SYT2: variants seen among roughly 807,000 people sequenced by gnomAD.
SYT2 encodes synaptotagmin 2.
Under a neutral mutation model 39.9 loss-of-function variants are expected in SYT2, and 15 were observed. The ratio of observed to expected loss-of-function variants is 0.38; its 90% CI spans 0.25 to 0.58. The LOEUF is 0.58. Among genes scored for constraint, SYT2 ranks in the 20% least tolerant of loss-of-function variants. The pLI is 0.70. For synonymous variants in SYT2, 181 were observed against 204.5 expected (o/e 0.89, Z 0.98); for missense variants, 389 against 530.3 (o/e 0.73, Z 2.62).
intron 1 of SYT2, among the ~76,000 whole-genome samples, chr1:202,695,474 G>T (rs181909584): frequency 6.6e-6 from 1 of 152,056 alleles, no homozygotes; most frequent in Non-Finnish European, 1.5e-5. Context: ...CCCGGCTCCC[G>T]CAGTGTCAGC....
intron 1 of SYT2, among the ~76,000 whole-genome samples, chr1:202,709,472 A>G (rs1476940058): frequency 1.3e-5 from 2 of 152,188 alleles, no homozygotes; most frequent in Non-Finnish European, 2.9e-5. Flanking sequence ...TGGGGGAAGG[A>G]GCATAGGCAG....
intron 1 of SYT2, among the ~76,000 whole-genome samples, chr1:202,694,783 C>T (rs1427606079): frequency 1.3e-5 from 2 of 151,646 alleles, no homozygotes; most frequent in African/African-American, 2.4e-5. Flanking sequence ...TACCCCTCTC[C>T]TCTCCCTCCT....
chr1:202,647,511 G>A (rs1277989807), intron 1 of SYT2, among the ~76,000 whole-genome samples: 1 of 151,978 alleles, frequency 6.6e-6, no homozygotes, highest in African/African-American at 2.4e-5. Flanking sequence ...TGCAACAGTA[G>A]CTGAGGCTAC....
intron 1 of SYT2, among the ~76,000 whole-genome samples, chr1:202,701,693 A>T (rs1654127105): frequency 6.6e-6 from 1 of 152,216 alleles, no homozygotes; most frequent in Admixed American, 6.5e-5. Context: ...ATCAATGTCA[A>T]GCATGGGAAT....
chr1:202,616,266 G>A (rs1691028489), intron 1 of SYT2, among the ~76,000 whole-genome samples: 1 of 152,200 alleles, frequency 6.6e-6, no homozygotes, highest in African/African-American at 2.4e-5. Context: ...CCCCTTGTGA[G>A]TTGAGGGCTT....
At chr1:202,685,313 C>T (rs959520455) in intron 1 of SYT2, among the ~76,000 whole-genome samples, 3 of 152,138 alleles carry the variant, frequency 2.0e-5, no homozygotes, top group Admixed American at 6.5e-5. Flanking sequence ...CCCACCACCA[C>T]CTGCTATTCC....
chr1:202,644,713 C>T (rs1286993343), intron 1 of SYT2, among the ~76,000 whole-genome samples: 1 of 151,718 alleles, frequency 6.6e-6, no homozygotes, highest in East Asian at 1.9e-4. Flanking sequence ...CACAAAAATC[C>T]AGTGTGCATG....
rs1197080547 is a variant in SYT2, at chr1:202,601,336, C to G, written c.801+554G>C. 6.6e-6 allele frequency among the ~76,000 whole-genome samples: 1 copy of G among 152,210 alleles called. No homozygotes were observed. Among genetic ancestry groups the G allele is most frequent in the African/African-American group, 2.4e-5 (1 of 41,470 alleles). On this transcript the variant is annotated intron_variant, in intron 6 of 8. Transcript: ENST00000367268. The surrounding 1 kb of genome is among the most constrained non-coding windows in gnomAD (Gnocchi z 4.0). Reference sequence around the variant, plus strand: ...AGCTTCTCTACTCAGCCCTCCATCACTGCCTAGAGTGTGCCAGGTAGCAGG... The same window carrying G: ...AGCTTCTCTACTCAGCCCTCCATCAGTGCCTAGAGTGTGCCAGGTAGCAGG...
chr1:202,690,781 G>A lies in SYT2; in HGVS notation c.-18+19477C>T, dbSNP rs1572681710. On this transcript the variant is annotated intron_variant, in intron 1 of 8. Coordinates refer to ENST00000367268, the MANE Select transcript of SYT2 (RefSeq NM_177402.5). ...CTCTATTAGAATTGTCTTCCTAAGA[G>A]TGAAGGAAAACAATTCTAATAGTCT... 2.0e-5 allele frequency among the ~76,000 whole-genome samples: 3 copies of A among 152,320 alleles called. No individual in the cohort carries two copies. In the East Asian group the frequency reaches 5.8e-4, roughly 29 times the overall value.
chr1:202,675,727 C>A (rs184961820), intron 1 of SYT2, among the ~76,000 whole-genome samples: 1 of 152,146 alleles, frequency 6.6e-6, no homozygotes, highest in Non-Finnish European at 1.5e-5. Flanking sequence ...TTCCACCTTA[C>A]CCCATTTCCT....
intron 1 of SYT2, among the ~76,000 whole-genome samples, chr1:202,629,879 G>GC (rs1364811014): frequency 1.0e-5 from 1 of 97,362 alleles, no homozygotes; most frequent in Non-Finnish European, 2.0e-5. Flanking sequence ...GGGGGGGGGG[G>GC]GTGGTACGGC....
intron 1 of SYT2, among the ~76,000 whole-genome samples, chr1:202,695,522 C>T (rs1365473224): frequency 6.6e-6 from 1 of 152,182 alleles, no homozygotes; most frequent in Non-Finnish European, 1.5e-5. Context: ...TATATTATGG[C>T]AGGACAAGAG....
At position 202,610,236 on chromosome 1, in the gene SYT2, A is replaced by G. The variant is rs1169409906; in HGVS notation, c.-17-4447T>C. Among the ~76,000 whole-genome samples the G allele has an allele frequency of 6.6e-5, 10 of 152,110 alleles. No homozygotes were observed. The East Asian group carries it at 1.9e-3, about 29-fold the overall frequency. ...ATTTCTGAGGGCTCTGTTCTGTTCCATTGGTCTATATCTCTGTTTTGGTAC... is the reference window on the plus strand; with the variant it reads ...ATTTCTGAGGGCTCTGTTCTGTTCCGTTGGTCTATATCTCTGTTTTGGTAC... On this transcript the variant is annotated intron_variant, in intron 1 of 8. Coordinates refer to ENST00000367268, the MANE Select transcript of SYT2 (RefSeq NM_177402.5).
rs1446599676 is a variant in SYT2, at chr1:202,599,400, C to G, written c.920-49G>C. 2.6e-6 allele frequency: 4 copies of G among 1,550,190 alleles called. No homozygotes were observed. Among genetic ancestry groups the G allele is most frequent in the Non-Finnish European group, 3.5e-6 (4 of 1,156,240 alleles). ...CAGAGAGGTTCCCCTTAGCCCCCAGCCTTCCTGCCGAATGTACCAAGGCCT... is the reference window on the plus strand; with the variant it reads ...CAGAGAGGTTCCCCTTAGCCCCCAGGCTTCCTGCCGAATGTACCAAGGCCT... On this transcript the variant is annotated intron_variant, in intron 7 of 8. Coordinates refer to ENST00000367268, the MANE Select transcript of SYT2 (RefSeq NM_177402.5). The surrounding 1 kb of genome is among the most constrained non-coding windows in gnomAD (Gnocchi z 4.4).
chr1:202,626,246 C>T (rs946842883), intron 1 of SYT2, among the ~76,000 whole-genome samples: 27 of 152,016 alleles, frequency 1.8e-4, no homozygotes, highest in African/African-American at 6.3e-4. Context: ...AGCCCCCACC[C>T]TCCCTCTGCA....
In SYT2 at chr1:202,628,647, A is replaced by G. The variant is rs1326291347; in HGVS notation, c.-17-22858T>C. Among the ~76,000 whole-genome samples the G allele has an allele frequency of 6.6e-6, 1 of 152,158 alleles. No individual in the cohort carries two copies. Among genetic ancestry groups the G allele is most frequent in the Non-Finnish European group, 1.5e-5 (1 of 68,032 alleles). The stretch of plus-strand genomic sequence containing the variant: ...GACCGGGGGCCGGGACAGACATGGG[A>G]GATAGGGGCCAGGAGGGATGAACCA... On this transcript the variant is annotated intron_variant, in intron 1 of 8. Transcript: ENST00000367268. The surrounding 1 kb of genome is among the most constrained non-coding windows in gnomAD (Gnocchi z 4.2).
chr1:202,672,136 A>G (rs903192825), intron 1 of SYT2, among the ~76,000 whole-genome samples: 1 of 152,258 alleles, frequency 6.6e-6, no homozygotes, highest in Non-Finnish European at 1.5e-5. Flanking sequence ...ATTTCAGCAA[A>G]TAGCCAGAAA....
At chr1:202,604,735 C>T (rs574725725) in intron 2 of SYT2, 114 bp from the exon 3 acceptor site, 1 of 1,022,998 alleles carries the variant, frequency 9.8e-7, no homozygotes, top group South Asian at 1.7e-5. Flanking sequence ...AATGCCCACA[C>T]CCCACATTTT....
intron 1 of SYT2, among the ~76,000 whole-genome samples, chr1:202,663,036 T>C (rs1692413518): frequency 6.6e-6 from 1 of 152,234 alleles, no homozygotes; most frequent in Non-Finnish European, 1.5e-5. Flanking sequence ...ATCAGTCACT[T>C]AATCTCTCTC....
Sources: gnomAD v4.1 joint callset for allele counts (sites outside exome capture counted in the v4.1 genomes callset) on GRCh38, gnomAD v4.1.1 for gene constraint, Gnocchi (gnomAD v3.1) non-coding constraint, MANE v1.5 for transcripts, NCBI Gene and HGNC (gene_info 2026-07-23, HGNC 2026-07-21) for gene names.